Variants in DNMT1 observed in about 807,000 individuals in gnomAD.
The protein encoded by DNMT1 is DNA methyltransferase 1, also known as DNA (cytosine-5)-methyltransferase 1.
In DNMT1, 24 loss-of-function variants were observed where a neutral mutation model predicts 205.3. That is an observed-to-expected ratio of 0.12 (90% confidence interval 0.08 to 0.16). The LOEUF (loss-of-function observed/expected upper bound fraction) is 0.16, where lower values mean the gene tolerates loss of function less well. DNMT1 is among the 10% of genes least tolerant of loss of function. The pLI is 1.00. For missense variants in DNMT1, 1,293 were observed against 2,177.7 expected, an observed-to-expected ratio of 0.59 and a Z score of 8.09; for synonymous variants, 817 against 839.8, an observed-to-expected ratio of 0.97 and a Z score of 0.47.
At chr19:10,167,273 G>A (rs1249126580) in intron 10 of DNMT1, among the ~76,000 whole-genome samples, 1 of 151,008 alleles carries the variant, frequency 6.6e-6, no homozygotes, top group Non-Finnish European at 1.5e-5. Context: ...TCAGCTCACT[G>A]CAACCACCGC....
At chr19:10,158,425 T>C (rs1222995285) in intron 17 of DNMT1, among the ~76,000 whole-genome samples, 1 of 152,186 alleles carries the variant, frequency 6.6e-6, no homozygotes, top group Non-Finnish European at 1.5e-5. Flanking sequence ...CAGGAACCGC[T>C]GCCTGGGGGT....
At chr19:10,142,680 A>G in intron 29 of DNMT1, 1 of 189,902 alleles carries the variant, frequency 5.3e-6, no homozygotes, top group Non-Finnish European at 1.1e-5. Context: ...CAGGGTAAAG[A>G]CCTCCCCAGT....
At chr19:10,179,080 G>A (rs2038990305) in intron 5 of DNMT1, among the ~76,000 whole-genome samples, 1 of 137,420 alleles carries the variant, frequency 7.3e-6, no homozygotes, top group African/African-American at 2.7e-5. Context: ...AGTGAGCCGA[G>A]ATTGCGCCAC....
chr19:10,175,529 A>G lies in DNMT1; in HGVS notation c.648+11T>C. 1.9e-6 allele frequency: 3 copies of G among 1,614,034 alleles called. No individual in the cohort carries two copies. The highest frequency in any genetic ancestry group is 2.5e-6 in the Non-Finnish European group (3 of 1,179,930). On this transcript the variant is annotated intron_variant, in intron 7 of 40. Coordinates refer to ENST00000359526, the MANE Select transcript of DNMT1 (RefSeq NM_001130823.3). ...TAAGGTAGAGTCAGGAAATGAAAGC[A>G]CTGGCCCTACCTGGTCTTTGTCTTC...
chr19:10,154,698 C>A lies in DNMT1; in HGVS notation c.1720G>T (p.Val574Leu). The A allele has an allele frequency of 6.2e-7, 1 of 1,614,230 alleles. No homozygotes were observed. The highest frequency in any genetic ancestry group is 8.5e-7 in the Non-Finnish European group (1 of 1,180,046). The change falls in exon 21 of 41, where the codon GTG (valine) becomes TTG (leucine). Residue 574 changes from valine to leucine, a missense_variant. Around this residue, in one of 13 missense-constraint regions of DNMT1, gnomAD observed 120 missense variants for 315.9 expected, o/e 0.38. Coordinates refer to ENST00000359526, the MANE Select transcript of DNMT1 (RefSeq NM_001130823.3). This position sits in a 1 kb window ranked among gnomAD's most constrained non-coding sequence, Gnocchi z 6.3. ...TCGTCATAACTCTCCACCTGCTCCA[C>A]CACAAACTGCGCGTGTCGCAGGAGG... ...DSLLRHAQFV[V>L]EQVESYDEAG... is the part of the protein sequence containing the mutation.
chr19:10,147,429 G>A (rs959242369), intron 27 of DNMT1, among the ~76,000 whole-genome samples: 28 of 151,976 alleles, frequency 1.8e-4, no homozygotes, highest in Non-Finnish European at 7.4e-5. Flanking sequence ...TGGCCAACAC[G>A]GTGAAGCCCT....
At chr19:10,183,023 A>T in intron 1 of DNMT1, among the ~76,000 whole-genome samples, 1 of 150,510 alleles carries the variant, frequency 6.6e-6, no homozygotes, top group East Asian at 2.0e-4. Context: ...ATACATATAT[A>T]TGTGTATATA....
chr19:10,194,875 G>A lies in DNMT1; in HGVS notation c.25C>T (p.Arg9Trp). MPARTAPARVPTLAVPAIS... is the reference protein window; with the variant it reads MPARTAPAWVPTLAVPAIS... ...GCCGGGACGGCCAGTGTGGGCACCC[G>A]GGCTGGGGCGGTACGCGCCGGCATC... Residue 9 changes from arginine (R) to tryptophan (W), a missense_variant, in exon 1 of 41, where the codon CGG becomes TGG. Coordinates refer to ENST00000359526, the MANE Select transcript of DNMT1 (RefSeq NM_001130823.3). 2 of 1,610,530 alleles carry A rather than the reference G, an allele frequency of 1.2e-6. No individual in the cohort carries two copies. Among genetic ancestry groups the A allele is most frequent in the South Asian group, 1.1e-5 (1 of 90,740 alleles).
chr19:10,166,716 G>A (rs1210672898), intron 10 of DNMT1, 31 bp from the exon 11 acceptor site: 1 of 1,613,324 alleles, frequency 6.2e-7, no homozygotes, highest in South Asian at 1.1e-5. Flanking sequence ...CACACAGGCT[G>A]GTCAGCTCGG....
At chr19:10,145,645 C>A (rs563400827) in intron 28 of DNMT1, among the ~76,000 whole-genome samples, 1 of 152,258 alleles carries the variant, frequency 6.6e-6, no homozygotes, top group South Asian at 2.1e-4. Flanking sequence ...GTCCGTTAAA[C>A]CTTTACTTTA....
rs142475332 is a variant in DNMT1 at position 10,173,967 on chromosome 19, C to T, written c.649-62G>A. On this transcript the variant is annotated intron_variant, in intron 7 of 40. Coordinates refer to ENST00000359526, the MANE Select transcript of DNMT1 (RefSeq NM_001130823.3). ...TACTGGTTTCAAGGGAAGGTCAACA[C>T]CAAAAGTGTGAGTTGAAATATTAAC... 3.0e-3 allele frequency: 4,473 copies of T among 1,510,492 alleles called. 113 individuals are homozygous for T. The African/African-American group carries it at 0.054, about 18-fold the overall frequency. 93.6% of individuals were successfully genotyped at this position (1,510,492 alleles called of 1,614,324 possible).
In DNMT1 at chr19:10,137,751, G is replaced by C; in HGVS notation, c.4293+81C>G. The stretch of plus-strand genomic sequence containing the variant: ...TGGGATCAGATTCCATGTCTCCCCT[G>C]AGTCTTGGGCAGGCTGACTGTTCCC... On this transcript the variant is annotated intron_variant, in intron 36 of 40. Transcript: ENST00000359526. This position sits in a 1 kb window ranked among gnomAD's most constrained non-coding sequence, Gnocchi z 6.4. 6.5e-7 allele frequency: 1 copy of C among 1,546,414 alleles called. No homozygotes were observed. Among genetic ancestry groups the C allele is most frequent in the Non-Finnish European group, 8.8e-7 (1 of 1,138,642 alleles).
Position 10,136,279 on chromosome 19 carries a change from C to A in DNMT1, c.4498G>T (p.Ala1500Ser). 1 of 1,613,932 alleles carries A rather than the reference C, an allele frequency of 6.2e-7. No homozygotes were observed. Among genetic ancestry groups the A allele is most frequent in the South Asian group, 1.1e-5 (1 of 91,070 alleles). ...GVCSCVEAGK[A>S]CDPAARQFNT... ...AACTGCCTGGCTGCGGGGTCGCAGG[C>A]TTTGCCGGCTGGAAGACAGGACAGT... is the stretch of plus-strand genomic sequence containing the variant. The change falls in exon 38 of 41, where the codon GCC becomes TCC. Residue 1500 changes from alanine to serine, a missense_variant. Ala to Ser is a moderately conservative substitution (Grantham distance 99). Coordinates refer to ENST00000359526, the MANE Select transcript of DNMT1 (RefSeq NM_001130823.3).
Position 10,133,888 on chromosome 19 carries a change from G to A in DNMT1, c.4865-187C>T, listed in dbSNP as rs976568409. ...GAACACTCCTCAAACGGTCCCCAGAGGGTTCTAGACCCAGAGGCTCAAGTG... is the reference window on the plus strand; with the variant it reads ...GAACACTCCTCAAACGGTCCCCAGAAGGTTCTAGACCCAGAGGCTCAAGTG... On this transcript the variant is annotated intron_variant, in intron 40 of 40. Coordinates refer to ENST00000359526, the MANE Select transcript of DNMT1 (RefSeq NM_001130823.3). The surrounding 1 kb of genome is among the most constrained non-coding windows in gnomAD (Gnocchi z 4.1). Among the ~76,000 whole-genome samples, 2 of 152,206 alleles carry A rather than the reference G, an allele frequency of 1.3e-5. No homozygotes were observed. Among genetic ancestry groups the A allele is most frequent in the African/African-American group, 4.8e-5 (2 of 41,458 alleles).
Position 10,137,677 on chromosome 19 carries a change from AAG to A in DNMT1, c.4293+153_4293+154del. 9.2e-7 allele frequency: 1 copy of A among 1,090,602 alleles called. No individual in the cohort carries two copies. Among genetic ancestry groups the A allele is most frequent in the Non-Finnish European group, 1.3e-6 (1 of 744,056 alleles). 67.6% of individuals were successfully genotyped at this position (1,090,602 alleles called of 1,614,324 possible). A position where few individuals can be genotyped will look rare whatever the true frequency, so the allele number is the denominator to read the frequency against. ...GCTCTGACACTTCCCATGACCATGC[AAG>A]AGAGACCAGGGGTCACACAAAGGCT... is the stretch of plus-strand genomic sequence containing the variant. On this transcript the variant is annotated intron_variant, in intron 36 of 40. Coordinates refer to ENST00000359526, the MANE Select transcript of DNMT1 (RefSeq NM_001130823.3). The surrounding 1 kb of genome is among the most constrained non-coding windows in gnomAD (Gnocchi z 6.4).
At position 10,142,055 on chromosome 19, in the gene DNMT1, G is replaced by A. The variant is rs1266517679; in HGVS notation, c.3282C>T (p.Gly1094=). The change falls in exon 30 of 41, where the codon GGC becomes GGT. Residue 1094 remains glycine (G), a synonymous_variant. Coordinates refer to ENST00000359526, the MANE Select transcript of DNMT1 (RefSeq NM_001130823.3). ...CGAGGAAGTAGAAGCGGTTGGGGCCGCCCATGGAGTACACCTGGACGCACT... is the reference window on the plus strand; with the variant it reads ...CGAGGAAGTAGAAGCGGTTGGGGCCACCCATGGAGTACACCTGGACGCACT... ...LPECVQVYSM[G]GPNRFYFLEA... 6 of 1,611,778 alleles carry A rather than the reference G, an allele frequency of 3.7e-6. No individual in the cohort carries two copies. Among genetic ancestry groups the A allele is most frequent in the African/African-American group, 1.3e-5 (1 of 75,018 alleles).
chr19:10,178,192 G>A (rs182090658), intron 5 of DNMT1, among the ~76,000 whole-genome samples: 1 of 151,874 alleles, frequency 6.6e-6, no homozygotes, highest in Non-Finnish European at 1.5e-5. Flanking sequence ...AGGAGGTGGA[G>A]GTTGTGGTGA....
chr19:10,159,690 C>G lies in DNMT1; in HGVS notation c.1248G>C (p.Glu416Asp). ...DANESGFESY[E>D]ALPQHKLTCF... is the part of the protein sequence containing the mutation. ...AGGTCAGTTTGTGCTGGGGAAGCGCCTCATAACTCTCAAAGCCAGACTCGT... is the reference window on the plus strand; with the variant it reads ...AGGTCAGTTTGTGCTGGGGAAGCGCGTCATAACTCTCAAAGCCAGACTCGT... The change falls in exon 17 of 41, where the codon GAG (glutamate) becomes GAC (aspartate). Residue 416 changes from glutamate (E) to aspartate (D), a missense_variant. Physicochemically the swap from Glu to Asp is conservative, Grantham distance 45 (BLOSUM62 2). This residue lies in a region of DNMT1 where 120 missense variants were observed against 315.9 expected (regional missense o/e 0.38). Coordinates refer to ENST00000359526, the MANE Select transcript of DNMT1 (RefSeq NM_001130823.3). This position sits in a 1 kb window ranked among gnomAD's most constrained non-coding sequence, Gnocchi z 5.0. The G allele has an allele frequency of 1.9e-6, 3 of 1,614,168 alleles. No individual in the cohort carries two copies. The highest frequency in any genetic ancestry group is 2.5e-6 in the Non-Finnish European group (3 of 1,180,028).
Position 10,137,729 on chromosome 19 carries a change from G to T in DNMT1, c.4293+103C>A. 2 of 1,461,722 alleles carry T rather than the reference G, an allele frequency of 1.4e-6. No homozygotes were observed. Among genetic ancestry groups the T allele is most frequent in the Non-Finnish European group, 1.9e-6 (2 of 1,067,798 alleles). The allele number at this position is 1,461,722 out of a possible 1,614,324, so 90.5% of individuals were successfully genotyped here. On this transcript the variant is annotated intron_variant, in intron 36 of 40. Coordinates refer to ENST00000359526, the MANE Select transcript of DNMT1 (RefSeq NM_001130823.3). This position sits in a 1 kb window ranked among gnomAD's most constrained non-coding sequence, Gnocchi z 6.4. ...TGAGGACTCGGGAGGAGGAGCCTGGGATCAGATTCCATGTCTCCCCTGAGT... is the reference window on the plus strand; with the variant it reads ...TGAGGACTCGGGAGGAGGAGCCTGGTATCAGATTCCATGTCTCCCCTGAGT...
Sources: allele counts gnomAD v4.1 joint callset (sites outside exome capture counted in the v4.1 genomes callset), GRCh38; gene constraint gnomAD v4.1.1; regional missense constraint gnomAD v4.1.1; non-coding constraint Gnocchi (gnomAD v3.1); transcripts MANE v1.5; gene names NCBI Gene and HGNC (gene_info 2026-07-23, HGNC 2026-07-21).